DCHS2: variants seen among roughly 807,000 people sequenced by gnomAD.
DCHS2 encodes dachsous cadherin-related 2.
In DCHS2, 142 loss-of-function variants were observed where a neutral mutation model predicts 182.4. The ratio of observed to expected loss-of-function variants is 0.78; its 90% confidence interval spans 0.68 to 0.89. The LOEUF (loss-of-function observed/expected upper bound fraction) is 0.89, where lower values mean the gene tolerates loss of function less well. Among genes scored for constraint, DCHS2 ranks in the 40% least tolerant of loss-of-function variants. The probability of loss-of-function intolerance (pLI) is 0.00; values close to 1 mark genes in which losing one functional copy is unlikely to be tolerated. For synonymous variants in DCHS2, 1,740 were observed against 1,663.3 expected (o/e 1.05, Z -1.12); for missense variants, 4,319 against 4,198.6 (o/e 1.03, Z -0.79).
At chr4:154,377,193 G>A (rs1730942637) in intron 2 of DCHS2, 60 bp downstream of exon 2, 8 of 1,481,664 alleles carry the variant, frequency 5.4e-6, no homozygotes, top group East Asian at 2.3e-5. Context: ...CCTCTGTGAT[G>A]TATACACAGT....
At chr4:154,368,996 A>AT (rs960090456) in intron 2 of DCHS2, among the ~76,000 whole-genome samples, 4 of 152,278 alleles carry the variant, frequency 2.6e-5, no homozygotes, top group Admixed American at 6.5e-5. Flanking sequence ...CTTAATATAT[A>AT]TTTTTTATCT....
At chr4:154,435,715 A>C (rs1336721911) in intron 1 of DCHS2, among the ~76,000 whole-genome samples, 4 of 152,244 alleles carry the variant, frequency 2.6e-5, no homozygotes, top group Non-Finnish European at 5.9e-5. Context: ...CTAACAAAAT[A>C]ATCCAAATTG....
At chr4:154,242,411 A>AGGGATGAT (rs1243176324) in intron 17 of DCHS2, among the ~76,000 whole-genome samples, 2 of 152,284 alleles carry the variant, frequency 1.3e-5, no homozygotes, top group East Asian at 1.9e-4. Context: ...AGATACTATA[A>AGGGATGAT]GGGATGATGG....
intron 1 of DCHS2, among the ~76,000 whole-genome samples, chr4:154,442,331 G>C (rs80324318): frequency 5.8e-4 from 88 of 152,082 alleles, no homozygotes; most frequent in Non-Finnish European, 1.1e-3. Flanking sequence ...AAAATGTAGA[G>C]TCTCAATCCC....
Position 154,329,411 on chromosome 4 carries a change from T to C in DCHS2, c.3918+112A>G. The C allele has an allele frequency of 4.5e-6, 5 of 1,101,306 alleles. No homozygotes were observed. In the South Asian group the frequency reaches 4.8e-5, roughly 10 times the overall value. 68.2% of individuals were successfully genotyped at this position (1,101,306 alleles called of 1,614,324 possible). ...GTATCTAGGTCTTCTAGAAAAAGTATGCTTTGCCACACCAAGACTGATGTG... is the reference window on the plus strand; with the variant it reads ...GTATCTAGGTCTTCTAGAAAAAGTACGCTTTGCCACACCAAGACTGATGTG... On this transcript the variant is annotated intron_variant, in intron 6 of 19. Transcript: ENST00000357232.
chr4:154,341,133 C>T (rs1268567093), intron 3 of DCHS2, among the ~76,000 whole-genome samples: 2 of 152,100 alleles, frequency 1.3e-5, no homozygotes, highest in East Asian at 3.9e-4. Flanking sequence ...CTCTGGGAGG[C>T]CGAGGCGGGT....
In DCHS2 at chr4:154,255,626, C is replaced by T. The variant is rs548408572; in HGVS notation, c.6834G>A (p.Glu2278=). ...CTTGGTTGCCAGACAGAATAGAATA[C>T]TCAATCAGGCCGTTCAAACCACTGT... is the stretch of plus-strand genomic sequence containing the variant. The part of the protein sequence containing the change: ...DLDSGLNGLI[E]YSILSGNQEE... Residue 2278 remains glutamate, a synonymous_variant, in exon 16 of 20, where the codon GAG becomes GAA. Coordinates refer to ENST00000357232, the MANE Select transcript of DCHS2 (RefSeq NM_001358235.2). 3.1e-6 allele frequency: 5 copies of T among 1,613,816 alleles called. No individual in the cohort carries two copies. In the Admixed American group the frequency reaches 8.3e-5, roughly 27 times the overall value.
rs1731340638 is a variant in DCHS2 at position 154,234,411 on chromosome 4, C to T, written c.*125G>A. ...AACTTTAATGGGGAAGTTTTAAAAA[C>T]TCTAACTAAATTACATCACTTGCTT... is the stretch of plus-strand genomic sequence containing the variant. On this transcript the variant is annotated 3_prime_UTR_variant, in exon 20 of 20. Transcript: ENST00000357232. 8.3e-6 allele frequency: 11 copies of T among 1,332,512 alleles called. No homozygotes were observed. The highest frequency in any genetic ancestry group is 5.2e-5 in the South Asian group (3 of 57,964). The allele number at this position is 1,332,512 out of a possible 1,614,324, so 82.5% of individuals were successfully genotyped here.
chr4:154,411,591 CA>C (rs1424488252), intron 1 of DCHS2, among the ~76,000 whole-genome samples: 13 of 143,864 alleles, frequency 9.0e-5, no homozygotes, highest in Middle Eastern at 3.4e-3. Context: ...GACTCCCTCT[CA>C]AAAAAAAAAG....
intron 2 of DCHS2, chr4:154,374,135 G>A (rs939173146): frequency 1.9e-5 from 11 of 573,174 alleles, no homozygotes; most frequent in Non-Finnish European, 3.0e-5. Context: ...CTGTGGTGGT[G>A]CATTGATATG....
At chr4:154,309,942 G>A (rs1190111462) in intron 10 of DCHS2, among the ~76,000 whole-genome samples, 1 of 152,180 alleles carries the variant, frequency 6.6e-6, no homozygotes. Flanking sequence ...ATAACTATGA[G>A]CTGAGGCTTT....
At chr4:154,337,241 C>T (rs62331879) in intron 3 of DCHS2, among the ~76,000 whole-genome samples, 39,946 of 151,954 alleles carry the variant, frequency 0.26, 5,874 homozygotes, top group East Asian at 0.38. Context: ...AGTCCCCCTA[C>T]CCCAAACATC....
At chr4:154,329,024 C>T (rs916052365) in intron 6 of DCHS2, among the ~76,000 whole-genome samples, 1 of 151,996 alleles carries the variant, frequency 6.6e-6, no homozygotes, top group African/African-American at 2.4e-5. Flanking sequence ...TACAAAAAGA[C>T]AAATGAAAAA....
intron 3 of DCHS2, among the ~76,000 whole-genome samples, chr4:154,342,214 T>TTA (rs1554008845): frequency 1.2e-4 from 18 of 150,730 alleles, no homozygotes; most frequent in Non-Finnish European, 1.8e-4. Context: ...ATTTTATTGG[T>TTA]AAAAAAAAAA....
chr4:154,447,624 G>A (rs1283142486), intron 1 of DCHS2, among the ~76,000 whole-genome samples: 1 of 152,160 alleles, frequency 6.6e-6, no homozygotes, highest in Non-Finnish European at 1.5e-5. Flanking sequence ...GATGGAGCTT[G>A]AGGAAAAATC....
intron 1 of DCHS2, among the ~76,000 whole-genome samples, chr4:154,452,720 T>G (rs961664151): frequency 5.3e-5 from 8 of 152,096 alleles, no homozygotes; most frequent in African/African-American, 1.9e-4. Context: ...TCCATCCAAA[T>G]AACCCTAAAT....
At chr4:154,330,877 C>T (rs138153802) in intron 5 of DCHS2, among the ~76,000 whole-genome samples, 247 of 152,042 alleles carry the variant, frequency 1.6e-3, no homozygotes, top group African/African-American at 1.5e-3. Flanking sequence ...AATTCTCCTC[C>T]GAAGACCTTA....
intron 16 of DCHS2, among the ~76,000 whole-genome samples, chr4:154,252,479 A>C (rs548770766): frequency 4.4e-4 from 67 of 151,722 alleles, no homozygotes; most frequent in Non-Finnish European, 9.1e-4. Context: ...CTTGCCCTCA[A>C]TCCTCCCTGA....
rs369109040 is a variant in DCHS2 at position 154,269,948 on chromosome 4, T to C, written c.6529A>G (p.Ile2177Val). 11 of 1,612,598 alleles carry C rather than the reference T, an allele frequency of 6.8e-6. No homozygotes were observed. In the African/African-American group the frequency reaches 9.4e-5, roughly 14 times the overall value. Reference sequence around the variant, plus strand: ...ACTCCATCTTCATTTCCACTAAAAATTGAATATTTCATGCTGTCCTGAATT... The same window carrying C: ...ACTCCATCTTCATTTCCACTAAAAACTGAATATTTCATGCTGTCCTGAATT... ...DSIQDSMKYS[I>V]FSGNEDGVLS... The change falls in exon 14 of 20, where the codon ATT becomes GTT. Residue 2177 changes from isoleucine to valine, a missense_variant. By Grantham distance (29) the Ile-to-Val change is conservative (BLOSUM62 3). Coordinates refer to ENST00000357232, the MANE Select transcript of DCHS2 (RefSeq NM_001358235.2).
Sources: allele counts gnomAD v4.1 joint callset (sites outside exome capture counted in the v4.1 genomes callset), GRCh38; gene constraint gnomAD v4.1.1; transcripts MANE v1.5; gene names NCBI Gene and HGNC (gene_info 2026-07-23, HGNC 2026-07-21).